AHNAK: variants seen among roughly 807,000 people sequenced by gnomAD.
AHNAK encodes neuroblast differentiation-associated protein AHNAK.
AHNAK carries 23 observed loss-of-function variants against 37.8 expected under a neutral mutation model. The observed-to-expected ratio is 0.61, with a 90% CI of 0.44 to 0.86. The LOEUF (loss-of-function observed/expected upper bound fraction) is 0.86, where lower values mean the gene tolerates loss of function less well. Ranked by LOEUF, AHNAK falls within the 40% of genes least tolerant of loss-of-function variation. The pLI is 0.00. For missense variants in AHNAK, 7,411 were observed against 7,319.4 expected (o/e 1.01, Z -0.46); for synonymous variants, 2,481 against 2,636.3 (o/e 0.94, Z 1.80).
Position 62,522,053 on chromosome 11 carries a change from G to A in AHNAK, c.12364C>T (p.Leu4122=), listed in dbSNP as rs762240652. The change falls in exon 5 of 5, where the codon CTG becomes TTG. Residue 4122 remains leucine, a synonymous_variant. Coordinates refer to ENST00000378024, the MANE Select transcript of AHNAK (RefSeq NM_001620.3). ...GAGATCTTCGGTGCCTTGAGGTGCA[G>A]GTCAGGCATTTTAAATTTGGGGCCC... is the stretch of plus-strand genomic sequence containing the variant. The part of the protein sequence containing the change: ...LKGPKFKMPD[L]HLKAPKISMP... 15 of 1,613,786 alleles carry A rather than the reference G, an allele frequency of 9.3e-6. No individual in the cohort carries two copies. The highest frequency in any genetic ancestry group is 1.3e-5 in the African/African-American group (1 of 74,800).
intron 4 of AHNAK, among the ~76,000 whole-genome samples, chr11:62,507,049 T>C (rs1939825497): frequency 6.6e-6 from 1 of 152,084 alleles, no homozygotes; most frequent in Non-Finnish European, 1.5e-5. Flanking sequence ...ACTTCCACAC[T>C]TTTATTCCCC....
intron 1 of AHNAK, among the ~76,000 whole-genome samples, chr11:62,540,902 C>G (rs1246073991): frequency 6.6e-6 from 1 of 152,240 alleles, no homozygotes; most frequent in Non-Finnish European, 1.5e-5. Flanking sequence ...TCTGCCCATA[C>G]CCTGCAACTG....
At chr11:62,451,051 G>A (rs937276448) in intron 5 of AHNAK, among the ~76,000 whole-genome samples, 2 of 146,008 alleles carry the variant, frequency 1.4e-5, no homozygotes, top group Non-Finnish European at 3.1e-5. Context: ...GCTAGGCAGG[G>A]GGCAGGCTCA....
chr11:62,472,776 G>A (rs1939059014), intron 5 of AHNAK, among the ~76,000 whole-genome samples: 1 of 152,096 alleles, frequency 6.6e-6, no homozygotes, highest in African/African-American at 2.4e-5. Flanking sequence ...TGAGGTACCT[G>A]CAGTAGTAAA....
rs751553444 is a variant in AHNAK at position 62,529,058 on chromosome 11, C to T, written c.5359G>A (p.Asp1787Asn). The T allele has an allele frequency of 5.0e-6, 8 of 1,614,204 alleles. No individual in the cohort carries two copies. The South Asian group carries it at 7.7e-5, about 16-fold the overall frequency. ...AGTTTGGGTCCCTTCAAATTCAAGT[C>T]CACATCTGGCATGGAGACCTTGGGA... ...KAPKVSMPDV[D>N]LNLKGPKLKG... The change falls in exon 5 of 5, where the codon GAC becomes AAC. Residue 1787 changes from aspartate to asparagine, a missense_variant. Transcript: ENST00000378024.
In AHNAK at chr11:62,533,067, C is replaced by T. The variant is rs752269882; in HGVS notation, c.1350G>A (p.Gly450=). ...SVSGAKGEET[G]IDVTLPTGEV... ...CACCTGTAGGCAGTGTCACATCAAT[C>T]CCAGTTTCCTCTCCCTTTGCACCTG... Residue 450 remains glycine, a synonymous_variant, in exon 5 of 5, where the codon GGG becomes GGA. Coordinates refer to ENST00000378024, the MANE Select transcript of AHNAK (RefSeq NM_001620.3). 2 of 1,608,982 alleles carry T rather than the reference C, an allele frequency of 1.2e-6. No individual in the cohort carries two copies. Among genetic ancestry groups the T allele is most frequent in the South Asian group, 2.2e-5 (2 of 90,144 alleles).
At chr11:62,441,153 A>G (rs557147396) in intron 5 of AHNAK, among the ~76,000 whole-genome samples, 24 of 151,894 alleles carry the variant, frequency 1.6e-4, no homozygotes, top group African/African-American at 5.6e-4. Context: ...AGTGTGTGCC[A>G]CCACGCCCGG....
rs1411495012 is a variant in AHNAK, at chr11:62,528,401, C to A, written c.6016G>T (p.Asp2006Tyr). 4 of 1,613,734 alleles carry A rather than the reference C, an allele frequency of 2.5e-6. No homozygotes were observed. The East Asian group carries it at 6.7e-5, about 27-fold the overall frequency. The change falls in exon 5 of 5, where the codon GAT becomes TAT. Residue 2006 changes from aspartate to tyrosine, a missense_variant. Physicochemically the swap from Asp to Tyr is radical, Grantham distance 160. Coordinates refer to ENST00000378024, the MANE Select transcript of AHNAK (RefSeq NM_001620.3). ...ACCTTGGGCACAGACACATCCATATCCCCTTTGACTTTGGGGCCTTTCAGG... is the reference window on the plus strand; with the variant it reads ...ACCTTGGGCACAGACACATCCATATACCCTTTGACTTTGGGGCCTTTCAGG... Reference protein sequence around the residue: ...LHLKGPKVKGDMDVSVPKVEG... With the variant: ...LHLKGPKVKGYMDVSVPKVEG...
At chr11:62,488,657 C>G (rs1939442603) in intron 5 of AHNAK, among the ~76,000 whole-genome samples, 2 of 151,384 alleles carry the variant, frequency 1.3e-5, no homozygotes, top group African/African-American at 4.9e-5. Flanking sequence ...GGTGATCCAC[C>G]CACCTCGGCC....
intron 5 of AHNAK, among the ~76,000 whole-genome samples, chr11:62,468,082 T>G (rs1565204277): frequency 1.3e-5 from 2 of 152,158 alleles, no homozygotes; most frequent in Admixed American, 1.3e-4. Flanking sequence ...GCACAGTGGC[T>G]CATGCCTGTA....
At chr11:62,457,201 A>G (rs1938675529) in intron 5 of AHNAK, among the ~76,000 whole-genome samples, 1 of 152,270 alleles carries the variant, frequency 6.6e-6, no homozygotes, top group East Asian at 1.9e-4. Flanking sequence ...TAATCCCGGC[A>G]CTTTGGGAGG....
chr11:62,468,587 T>A (rs1938966080), intron 5 of AHNAK, among the ~76,000 whole-genome samples: 1 of 152,114 alleles, frequency 6.6e-6, no homozygotes, highest in South Asian at 2.1e-4. Context: ...ACTGTTCATC[T>A]GACCTTCTGA....
In AHNAK at chr11:62,520,937, C is replaced by T. The variant is rs1299579443; in HGVS notation, c.13480G>A (p.Asp4494Asn). The T allele has an allele frequency of 6.2e-7, 1 of 1,614,024 alleles. No homozygotes were observed. The highest frequency in any genetic ancestry group is 1.7e-5 in the Admixed American group (1 of 59,996). Residue 4494 changes from aspartate to asparagine, a missense_variant, in exon 5 of 5, where the codon GAC becomes AAC. By Grantham distance (23) the Asp-to-Asn change is conservative. Coordinates refer to ENST00000378024, the MANE Select transcript of AHNAK (RefSeq NM_001620.3). ...AGCTTCCCTTCAGGACCTTCAATGT[C>T]TACCTCTGGCCCTTTCAGATCACTT... ...VESDLKGPEV[D>N]IEGPEGKLKG...
chr11:62,541,459 G>A (rs1941121460), intron 1 of AHNAK, among the ~76,000 whole-genome samples: 1 of 152,320 alleles, frequency 6.6e-6, no homozygotes. Flanking sequence ...CCCTACCAGA[G>A]GGGAAGCCCC....
chr11:62,505,601 T>A (rs979894843), intron 4 of AHNAK, among the ~76,000 whole-genome samples: 2 of 152,030 alleles, frequency 1.3e-5, no homozygotes, highest in Non-Finnish European at 2.9e-5. Flanking sequence ...TTTGGCACTG[T>A]CCTTTCTCCC....
rs372526731 is a variant in AHNAK, at chr11:62,519,026, C to T, written c.15391G>A (p.Val5131Ile). ...TTCGCCTTGATGTCAAGACCTTCGA[C>T]GTGAATCGCTGGCAAAGAAAGTTCC... is the stretch of plus-strand genomic sequence containing the variant. ...DLELSLPAIHVEGLDIKAKAP... is the reference protein window; with the variant it reads ...DLELSLPAIHIEGLDIKAKAP... Residue 5131 changes from valine to isoleucine, a missense_variant, in exon 5 of 5, where the codon GTC becomes ATC. Physicochemically the swap from Val to Ile is conservative, Grantham distance 29. Coordinates refer to ENST00000378024, the MANE Select transcript of AHNAK (RefSeq NM_001620.3). The T allele has an allele frequency of 1.4e-5, 23 of 1,613,226 alleles. No homozygotes were observed. In the African/African-American group the frequency reaches 1.7e-4, roughly 12 times the overall value.
intron 4 of AHNAK, among the ~76,000 whole-genome samples, chr11:62,503,991 T>G (rs1180611903): frequency 6.6e-6 from 1 of 151,922 alleles, no homozygotes; most frequent in Non-Finnish European, 1.5e-5. Context: ...TGAAACCCCA[T>G]CTCTACTAAA....
rs114033696 is a variant in AHNAK, at chr11:62,516,780, G to A, written c.17637C>T (p.Pro5879=). ...TTGTGGAAACTGACAGCTCCACCTC[G>A]GGAAGCTGGATGCCAACCTTATTCC... The part of the protein sequence containing the change: ...DSGNKVGIQL[P]EVELSVSTKK... Residue 5879 remains proline (P), a synonymous_variant, in exon 5 of 5, where the codon CCC becomes CCT. Transcript: ENST00000378024. 114 of 1,613,386 alleles carry A rather than the reference G, an allele frequency of 7.1e-5. No homozygotes were observed. The African/African-American group carries it at 1.2e-3, about 16-fold the overall frequency.
Position 62,527,039 on chromosome 11 carries a change from G to C in AHNAK, c.7378C>G (p.Leu2460Val). ...TTGATTTTGGGTCCTTTGAGATTTA[G>C]ATCAACATCAGGCATAGAAATATTG... ...APNISMPDVD[L>V]NLKGPKIKGD... Residue 2460 changes from leucine (L) to valine (V), a missense_variant, in exon 5 of 5, where the codon CTA (leucine) becomes GTA (valine). Coordinates refer to ENST00000378024, the MANE Select transcript of AHNAK (RefSeq NM_001620.3). 6.2e-7 allele frequency: 1 copy of C among 1,613,914 alleles called. No individual in the cohort carries two copies. The highest frequency in any genetic ancestry group is 8.5e-7 in the Non-Finnish European group (1 of 1,179,968).
Sources: gnomAD v4.1 joint callset for allele counts (sites outside exome capture counted in the v4.1 genomes callset) on GRCh38, gnomAD v4.1.1 for gene constraint, MANE v1.5 for transcripts, NCBI Gene and HGNC (gene_info 2026-07-23, HGNC 2026-07-21) for gene names.